ZNF532: variants seen among roughly 807,000 people sequenced by gnomAD.
The protein encoded by ZNF532 is zinc finger protein 532.
A neutral mutation model predicts 89.3 loss-of-function variants in ZNF532; 22 were observed. That is an observed-to-expected ratio of 0.25 (90% confidence interval 0.18 to 0.35). The LOEUF is 0.35. Among genes scored for constraint, ZNF532 ranks in the 10% least tolerant of loss-of-function variants. ZNF532 has a pLI of 1.00. For synonymous variants in ZNF532, 606 were observed against 649.6 expected, an observed-to-expected ratio of 0.93 and a Z score of 1.02; for missense variants, 1,132 against 1,643.4, an observed-to-expected ratio of 0.69 and a Z score of 5.38.
intron 7 of ZNF532, among the ~76,000 whole-genome samples, chr18:58,965,546 A>G (rs1182400234): frequency 2.0e-5 from 3 of 152,212 alleles, no homozygotes; most frequent in African/African-American, 7.2e-5. Flanking sequence ...CTTTCCATCC[A>G]GTTTTTACTT....
At chr18:58,950,974 T>G (rs1374037211) in intron 6 of ZNF532, among the ~76,000 whole-genome samples, 1 of 152,054 alleles carries the variant, frequency 6.6e-6, no homozygotes, top group Non-Finnish European at 1.5e-5. Flanking sequence ...TTTTTTCTTT[T>G]GAGATAAGGT....
chr18:58,890,436 T>TA (rs1306174195), intron 2 of ZNF532, among the ~76,000 whole-genome samples: 1 of 152,080 alleles, frequency 6.6e-6, no homozygotes. Flanking sequence ...CTTTTTTTGA[T>TA]ATAAAGGTGG....
At chr18:58,983,916 T>C (rs1042331670) in intron 9 of ZNF532, 56 bp from the exon 10 acceptor site, 29 of 1,546,768 alleles carry the variant, frequency 1.9e-5, no homozygotes, top group Admixed American at 1.6e-4. Context: ...CGATCATTTA[T>C]CAACCACCGT....
At chr18:58,969,873 CT>C (rs10617418) in intron 7 of ZNF532, among the ~76,000 whole-genome samples, 2,995 of 84,726 alleles carry the variant, frequency 0.035, 6 homozygotes, top group East Asian at 0.065. Context: ...ATATTTGTCC[CT>C]TTTTTTTTTT....
intron 6 of ZNF532, among the ~76,000 whole-genome samples, chr18:58,949,954 A>G (rs1603275808): frequency 2.0e-5 from 3 of 152,222 alleles, no homozygotes; most frequent in African/African-American, 7.2e-5. Context: ...GAAGTACAGT[A>G]AAACCCTCTT....
chr18:58,925,628 A>G (rs1208577247), intron 3 of ZNF532, among the ~76,000 whole-genome samples: 1 of 152,212 alleles, frequency 6.6e-6, no homozygotes, highest in Non-Finnish European at 1.5e-5. Flanking sequence ...GAAGTCAAGT[A>G]TATCAGTTTT....
chr18:58,915,236 T>C (rs1203057502), intron 2 of ZNF532, among the ~76,000 whole-genome samples: 1 of 152,206 alleles, frequency 6.6e-6, no homozygotes, highest in Non-Finnish European at 1.5e-5. Flanking sequence ...CGATGCGCTT[T>C]CGGTTGGCCA....
intron 2 of ZNF532, among the ~76,000 whole-genome samples, chr18:58,879,225 T>C (rs1317824740): frequency 6.6e-6 from 1 of 152,214 alleles, no homozygotes; most frequent in Non-Finnish European, 1.5e-5. Context: ...GCCAAGGCGT[T>C]CCTCATTGTA....
At chr18:58,972,786 T>C (rs1363556945) in intron 7 of ZNF532, among the ~76,000 whole-genome samples, 1 of 152,242 alleles carries the variant, frequency 6.6e-6, no homozygotes, top group African/African-American at 2.4e-5. Flanking sequence ...CTGCAGGAAA[T>C]AAGCAGAGTT....
intron 2 of ZNF532, among the ~76,000 whole-genome samples, chr18:58,897,680 C>T (rs1359818161): frequency 2.0e-5 from 3 of 152,162 alleles, no homozygotes; most frequent in African/African-American, 4.8e-5. Flanking sequence ...TGGCTGGGCG[C>T]GGTGGCTCAC....
At chr18:58,864,157 T>G (rs1477077366), upstream of ZNF532, 1 of 150,586 alleles carries the variant, frequency 6.6e-6, no homozygotes, top group Non-Finnish European at 1.5e-5. Flanking sequence ...CCCCGCCCCC[T>G]CCCCAGACAG....
intron 7 of ZNF532, among the ~76,000 whole-genome samples, chr18:58,976,328 GT>G (rs2067047847): frequency 6.6e-6 from 1 of 152,008 alleles, no homozygotes; most frequent in African/African-American, 2.4e-5. Context: ...ATTTTTTAGG[GT>G]TTTCTTACTG....
chr18:58,964,577 GTGTA>G (rs1194560954), intron 7 of ZNF532, among the ~76,000 whole-genome samples: 81 of 134,614 alleles, frequency 6.0e-4, no homozygotes, highest in Middle Eastern at 3.7e-3. Context: ...GTGTGTGTGT[GTGTA>G]TACACAGTTT....
At chr18:58,892,464 A>G (rs567122983) in intron 2 of ZNF532, among the ~76,000 whole-genome samples, 12 of 152,310 alleles carry the variant, frequency 7.9e-5, no homozygotes, top group African/African-American at 2.6e-4. Context: ...ATGCTTATGT[A>G]TGCATTTAGA....
At chr18:58,951,646 G>GTTT (rs3039758) in intron 6 of ZNF532, among the ~76,000 whole-genome samples, 856 of 72,484 alleles carry the variant, frequency 0.012, 41 homozygotes, top group African/African-American at 0.032. Context: ...TCGCCCTGTT[G>GTTT]TTTTTTTTTT....
At chr18:58,937,045 G>C (rs1477232210) in intron 4 of ZNF532, among the ~76,000 whole-genome samples, 1 of 151,980 alleles carries the variant, frequency 6.6e-6, no homozygotes, top group African/African-American at 2.4e-5. Flanking sequence ...CTTGGTAAAA[G>C]TTATATATTG....
At chr18:58,904,522 G>A (rs2059803941) in intron 2 of ZNF532, among the ~76,000 whole-genome samples, 1 of 152,118 alleles carries the variant, frequency 6.6e-6, no homozygotes, top group African/African-American at 2.4e-5. Context: ...TATTGCTGTT[G>A]TGGAAGGAAA....
At chr18:58,982,839 G>T (rs953133303) in intron 9 of ZNF532, among the ~76,000 whole-genome samples, 5 of 152,030 alleles carry the variant, frequency 3.3e-5, no homozygotes, top group East Asian at 1.9e-4. Context: ...TGAAGCCAAG[G>T]CGTGGTGGCT....
At chr18:58,897,219 T>G (rs2059309307) in intron 2 of ZNF532, among the ~76,000 whole-genome samples, 1 of 152,224 alleles carries the variant, frequency 6.6e-6, no homozygotes, top group Non-Finnish European at 1.5e-5. Context: ...GTTTCTGCAT[T>G]AAGCACGTAA....
Sources: allele counts gnomAD v4.1 joint callset (sites outside exome capture counted in the v4.1 genomes callset), GRCh38; gene constraint gnomAD v4.1.1; transcripts MANE v1.5; gene names NCBI Gene and HGNC (gene_info 2026-07-23, HGNC 2026-07-21).